Variants in RABGAP1L observed in about 807,000 individuals in gnomAD.
RABGAP1L encodes the protein RAB GTPase activating protein 1 like.
In RABGAP1L, 63 loss-of-function variants were observed where a neutral mutation model predicts 137.7. The ratio of observed to expected loss-of-function variants is 0.46; its 90% CI spans 0.37 to 0.56. The LOEUF is 0.56. RABGAP1L is among the 20% of genes least tolerant of loss of function. RABGAP1L has a pLI of 0.00. For synonymous variants in RABGAP1L, 431 were observed against 433.7 expected (o/e 0.99, Z 0.08); for missense variants, 1,095 against 1,244.0 (o/e 0.88, Z 1.80).
chr1:174,798,637 A>C (rs1045207483), intron 18 of RABGAP1L, among the ~76,000 whole-genome samples: 1 of 152,150 alleles, frequency 6.6e-6, no homozygotes, highest in African/African-American at 2.4e-5. Context: ...ATTTAGGCCT[A>C]CAGACATACA....
chr1:174,503,609 C>T (rs879294445), intron 13 of RABGAP1L, among the ~76,000 whole-genome samples: 74 of 134,412 alleles, frequency 5.5e-4, no homozygotes, highest in Non-Finnish European at 4.0e-4. Context: ...TGCTCTGAGC[C>T]GAGATTGCAC....
intron 18 of RABGAP1L, among the ~76,000 whole-genome samples, chr1:174,785,045 G>T (rs760014278): frequency 6.6e-6 from 1 of 152,028 alleles, no homozygotes; most frequent in Non-Finnish European, 1.5e-5. Context: ...CCATATGAGT[G>T]ATTTTATTTT....
At chr1:174,327,970 TATATATATACACAC>T (rs1337675963) in intron 11 of RABGAP1L, among the ~76,000 whole-genome samples, 18 of 15,240 alleles carry the variant, frequency 1.2e-3, no homozygotes, top group African/African-American at 6.2e-3. Flanking sequence ...TATATATATA[TATATATATACACAC>T]ACATATATAT....
Position 174,762,807 on chromosome 1 carries a change from CTT to C in RABGAP1L, c.2211+10477_2211+10478del, listed in dbSNP as rs71563260. Among the ~76,000 whole-genome samples, 594 of 81,780 alleles carry C rather than the reference CTT, an allele frequency of 7.3e-3. 5 individuals are homozygous for C. The highest frequency in any genetic ancestry group is 0.026 in the African/African-American group (537 of 20,888). The allele number at this position is 81,780 out of a possible 152,430, so 53.7% of individuals were successfully genotyped here. A position where few individuals can be genotyped will look rare whatever the true frequency, so the allele number is the denominator to read the frequency against. On this transcript the variant is annotated intron_variant, in intron 18 of 25. Transcript: ENST00000681986. The stretch of plus-strand genomic sequence containing the variant: ...GCTTTTTCAACCCAGGTCTCCTTTG[CTT>C]TTTTTTTTTTTTTTTTTTTTTTTAA...
chr1:174,731,212 T>A (rs1682437491), intron 17 of RABGAP1L, among the ~76,000 whole-genome samples: 1 of 152,166 alleles, frequency 6.6e-6, no homozygotes, highest in African/African-American at 2.4e-5. Context: ...CCTCAAGAGA[T>A]CTACCCGCCT....
At chr1:174,680,847 A>G (rs1385799607) in intron 14 of RABGAP1L, among the ~76,000 whole-genome samples, 1 of 152,144 alleles carries the variant, frequency 6.6e-6, no homozygotes, top group Non-Finnish European at 1.5e-5. Context: ...TGATCATGCC[A>G]CCGCACACCA....
At chr1:174,932,605 T>C (rs1363353611) in intron 19 of RABGAP1L, among the ~76,000 whole-genome samples, 1 of 152,176 alleles carries the variant, frequency 6.6e-6, no homozygotes, top group African/African-American at 2.4e-5. Context: ...TATGTAAAGT[T>C]GCTCTATTCC....
rs1672233081 is a variant in RABGAP1L, at chr1:174,994,154, T to C, written c.*4153T>C. ...CTTCCTCTCTCATAATGGCTTCCAT[T>C]TAATACAGGCAAAGCCCTTTACCTT... On this transcript the variant is annotated 3_prime_UTR_variant, in exon 26 of 26. Transcript: ENST00000681986. The C allele has an allele frequency of 6.6e-6, 1 of 152,254 alleles. No homozygotes were observed. Among genetic ancestry groups the C allele is most frequent in the African/African-American group, 2.4e-5 (1 of 41,456 alleles). The allele number at this position is 152,254 out of a possible 1,614,324, so 9.4% of individuals were successfully genotyped here. A position where few individuals can be genotyped will look rare whatever the true frequency, so the allele number is the denominator to read the frequency against.
chr1:174,851,289 T>C (rs1648282597), intron 19 of RABGAP1L, among the ~76,000 whole-genome samples: 1 of 152,204 alleles, frequency 6.6e-6, no homozygotes, highest in South Asian at 2.1e-4. Flanking sequence ...CCCTCCAGTC[T>C]GGGTGTGATG....
intron 13 of RABGAP1L, among the ~76,000 whole-genome samples, chr1:174,532,403 T>TG (rs1468448952): frequency 2.0e-5 from 3 of 151,972 alleles, no homozygotes; most frequent in African/African-American, 7.2e-5. Context: ...GAGACAGGGT[T>TG]TCACCATGTT....
chr1:174,476,605 A>G (rs562101749), intron 13 of RABGAP1L, among the ~76,000 whole-genome samples: 1 of 152,326 alleles, frequency 6.6e-6, no homozygotes, highest in African/African-American at 2.4e-5. Context: ...ATTTGGCACT[A>G]TTGGGAAATG....
chr1:174,633,714 C>T (rs986105235), intron 13 of RABGAP1L, among the ~76,000 whole-genome samples: 1 of 135,366 alleles, frequency 7.4e-6, no homozygotes, highest in African/African-American at 3.0e-5. Context: ...GAACAGAGCC[C>T]TCAGAAATAA....
chr1:174,203,674 C>A (rs897966821), intron 1 of RABGAP1L, among the ~76,000 whole-genome samples: 1 of 152,172 alleles, frequency 6.6e-6, no homozygotes, highest in Non-Finnish European at 1.5e-5. Context: ...AGCATTGAAT[C>A]TGTAAATTGC....
At chr1:174,900,384 A>G (rs1657942487) in intron 19 of RABGAP1L, among the ~76,000 whole-genome samples, 1 of 152,202 alleles carries the variant, frequency 6.6e-6, no homozygotes, top group Non-Finnish European at 1.5e-5. Flanking sequence ...GAAGAGAATG[A>G]AGTCACAGAG....
At chr1:174,615,674 C>G (rs577305102) in intron 13 of RABGAP1L, among the ~76,000 whole-genome samples, 1 of 152,316 alleles carries the variant, frequency 6.6e-6, no homozygotes, top group South Asian at 2.1e-4. Flanking sequence ...GTGCCCTGCC[C>G]CCAGAGGTGG....
chr1:174,944,644 TAAAAA>T lies in RABGAP1L; in HGVS notation c.2341-12797_2341-12793del, dbSNP rs71815856. 6.7e-5 allele frequency among the ~76,000 whole-genome samples: 8 copies of T among 119,648 alleles called. No individual in the cohort carries two copies. In the Admixed American group the frequency reaches 6.7e-4, roughly 10 times the overall value. 78.5% of individuals were successfully genotyped at this position (119,648 alleles called of 152,430 possible). A position where few individuals can be genotyped will look rare whatever the true frequency, so the allele number is the denominator to read the frequency against. ...AGAGTGAGACCCTGTCTCAAAAAAT[TAAAAA>T]AAAAAAAAAAAAAAAGTCAGTGCAA... On this transcript the variant is annotated intron_variant, in intron 19 of 25. Transcript: ENST00000681986.
chr1:174,165,510 T>A (rs77739356), intron 1 of RABGAP1L, among the ~76,000 whole-genome samples: 6 of 150,876 alleles, frequency 4.0e-5, no homozygotes, highest in Admixed American at 6.6e-5. Context: ...TTTTTTTTTT[T>A]AATTTGGAGA....
intron 10 of RABGAP1L, among the ~76,000 whole-genome samples, chr1:174,294,409 A>G (rs1408888083): frequency 6.6e-6 from 1 of 152,204 alleles, no homozygotes; most frequent in African/African-American, 2.4e-5. Flanking sequence ...TAAATCTCTG[A>G]TCCAACATTG....
chr1:174,241,895 C>A (rs1221765811), intron 5 of RABGAP1L, among the ~76,000 whole-genome samples: 1 of 152,182 alleles, frequency 6.6e-6, no homozygotes, highest in Non-Finnish European at 1.5e-5. Context: ...GGATGAGTTG[C>A]CTTTCCACCT....
Sources: gnomAD v4.1 joint callset for allele counts (sites outside exome capture counted in the v4.1 genomes callset) on GRCh38, gnomAD v4.1.1 for gene constraint, MANE v1.5 for transcripts, NCBI Gene and HGNC (gene_info 2026-07-23, HGNC 2026-07-21) for gene names.